CATSPERG: variants seen among roughly 807,000 people sequenced by gnomAD.
CATSPERG encodes catsper channel auxiliary subunit gamma.
Under a neutral mutation model 145.0 loss-of-function variants are expected in CATSPERG, and 115 were observed. The observed-to-expected ratio is 0.79, with a 90% CI of 0.68 to 0.93. The LOEUF (loss-of-function observed/expected upper bound fraction) is 0.93. Among genes scored for constraint, CATSPERG ranks in the 40% least tolerant of loss-of-function variants. The probability of loss-of-function intolerance (pLI) is 0.00; values close to 1 mark genes in which losing one functional copy is unlikely to be tolerated. For synonymous variants in CATSPERG, 588 were observed against 589.0 expected (o/e 1.00, Z 0.02); for missense variants, 1,296 against 1,490.1 (o/e 0.87, Z 2.14).
chr19:38,338,231 C>T (rs1458624417), intron 3 of CATSPERG, among the ~76,000 whole-genome samples: 2 of 152,072 alleles, frequency 1.3e-5, no homozygotes, highest in Non-Finnish European at 2.9e-5. Context: ...TCACTGCAAG[C>T]TCCGCCTCCT....
At chr19:38,355,746 A>G (rs1970231974) in intron 9 of CATSPERG, among the ~76,000 whole-genome samples, 1 of 152,210 alleles carries the variant, frequency 6.6e-6, no homozygotes, top group South Asian at 2.1e-4. Context: ...GAATTTGTGG[A>G]CTTACATAAA....
intron 7 of CATSPERG, among the ~76,000 whole-genome samples, chr19:38,350,014 T>C (rs1251385870): frequency 1.3e-5 from 2 of 152,094 alleles, no homozygotes; most frequent in Non-Finnish European, 2.9e-5. Context: ...GTTCCTTCCA[T>C]TTTCTCTCTT....
chr19:38,357,515 C>CAAAA (rs3033507), intron 11 of CATSPERG, among the ~76,000 whole-genome samples: 10 of 134,134 alleles, frequency 7.5e-5, no homozygotes, highest in African/African-American at 2.2e-4. Flanking sequence ...GACCCGGTCT[C>CAAAA]AAAAAAAAAA....
At position 38,360,516 on chromosome 19, in the gene CATSPERG, C is replaced by A. The variant is rs373564244; in HGVS notation, c.1636C>A (p.Arg546=). Residue 546 remains arginine (R), a synonymous_variant, in exon 15 of 29, where the codon CGG becomes AGG. Coordinates refer to ENST00000409235, the MANE Select transcript of CATSPERG (RefSeq NM_021185.5). ...EIWYLLEGSY[R]VYQLFPSKGW... ...CTGGTACCTCCTGGAGGGCAGCTAC[C>A]GGGTCTACCAGCTGTTCCCTTCCAA... 1.8e-5 allele frequency: 29 copies of A among 1,614,130 alleles called. No homozygotes were observed. In the African/African-American group the frequency reaches 3.6e-4, roughly 20 times the overall value.
At chr19:38,344,737 CAT>C (rs1970000275) in intron 6 of CATSPERG, among the ~76,000 whole-genome samples, 1 of 105,448 alleles carries the variant, frequency 9.5e-6, no homozygotes. Context: ...ATATATAGTA[CAT>C]ACCTGTACAT....
intron 3 of CATSPERG, among the ~76,000 whole-genome samples, chr19:38,339,038 C>T (rs1233694055): frequency 6.6e-6 from 1 of 152,014 alleles, no homozygotes; most frequent in African/African-American, 2.4e-5. Context: ...ACCAGAGGGC[C>T]ATTGCTAGTG....
chr19:38,357,515 C>A (rs868172499), intron 11 of CATSPERG, among the ~76,000 whole-genome samples: 35 of 134,110 alleles, frequency 2.6e-4, no homozygotes, highest in South Asian at 5.0e-4. Context: ...GACCCGGTCT[C>A]AAAAAAAAAA....
intron 22 of CATSPERG, 99 bp downstream of exon 22, chr19:38,365,216 T>C: frequency 9.7e-7 from 1 of 1,031,852 alleles, no homozygotes; most frequent in South Asian, 1.3e-5. Context: ...CATTCATAAT[T>C]TCCTTTCTTC....
intron 7 of CATSPERG, among the ~76,000 whole-genome samples, chr19:38,350,410 T>C (rs981977730): frequency 6.6e-6 from 1 of 152,076 alleles, no homozygotes; most frequent in Non-Finnish European, 1.5e-5. Context: ...GGAGTTTCGC[T>C]CTTGTCACCC....
rs1488068677 is a variant in CATSPERG at position 38,370,198 on chromosome 19, C to T, written c.3153C>T (p.Thr1051=). 6.2e-7 allele frequency: 1 copy of T among 1,613,928 alleles called. No individual in the cohort carries two copies. Among genetic ancestry groups the T allele is most frequent in the African/African-American group, 1.3e-5 (1 of 75,052 alleles). ...DTSTYCNYQL[T]FLLHIHGLPL... Reference sequence around the variant, plus strand: ...GCACCTACTGCAACTACCAGCTCACCTTCCTGCTGCACATCCACGGGCTGC... The same window carrying T: ...GCACCTACTGCAACTACCAGCTCACTTTCCTGCTGCACATCCACGGGCTGC... The change falls in exon 28 of 29, where the codon ACC becomes ACT. Residue 1051 remains threonine (T), a synonymous_variant. Coordinates refer to ENST00000409235, the MANE Select transcript of CATSPERG (RefSeq NM_021185.5).
chr19:38,343,400 C>A (rs1040139062), intron 3 of CATSPERG, among the ~76,000 whole-genome samples, 180 bp from the exon 4 acceptor site: 3 of 152,294 alleles, frequency 2.0e-5, no homozygotes, highest in African/African-American at 7.2e-5. Context: ...TCTGCCCCCT[C>A]CTAGGCTGTT....
chr19:38,365,100 CT>C lies in CATSPERG; in HGVS notation c.2597del (p.Leu866ArgfsTer9), dbSNP rs1568382941. ...CGGGCTCTGCTTCCAGGAAACACAC[CT>C]GGGGCCCCATATGCAAGTATTGGAG... ...SSGLCFQETH[L>X]GPHMQGNLMV... is the part of the protein sequence containing the mutation. On this transcript the variant is annotated frameshift_variant, in exon 22 of 29. Coordinates refer to ENST00000409235, the MANE Select transcript of CATSPERG (RefSeq NM_021185.5). LOFTEE classifies it high-confidence loss of function. The C allele has an allele frequency of 6.2e-7, 1 of 1,613,750 alleles. No homozygotes were observed. Among genetic ancestry groups the C allele is most frequent in the Non-Finnish European group, 8.5e-7 (1 of 1,180,028 alleles).
At chr19:38,351,583 G>A (rs1970141270) in intron 7 of CATSPERG, among the ~76,000 whole-genome samples, 2 of 151,418 alleles carry the variant, frequency 1.3e-5, no homozygotes, top group Non-Finnish European at 2.9e-5. Flanking sequence ...ACTCCAGCCT[G>A]GGTGACAGAG....
At chr19:38,351,724 T>C (rs1970144869) in intron 7 of CATSPERG, among the ~76,000 whole-genome samples, 1 of 151,090 alleles carries the variant, frequency 6.6e-6, no homozygotes, top group Admixed American at 6.6e-5. Flanking sequence ...CTGGGTAACA[T>C]AGCGAGACCT....
chr19:38,339,640 T>G (rs1969903795), intron 3 of CATSPERG, among the ~76,000 whole-genome samples: 1 of 151,940 alleles, frequency 6.6e-6, no homozygotes, highest in Non-Finnish European at 1.5e-5. Flanking sequence ...AGTTTATAAA[T>G]TTTTTTCTTT....
chr19:38,363,791 A>C (rs1324525528), intron 20 of CATSPERG, among the ~76,000 whole-genome samples: 1 of 152,202 alleles, frequency 6.6e-6, no homozygotes, highest in Non-Finnish European at 1.5e-5. Flanking sequence ...GTAAGGTCAC[A>C]GATCAACAGG....
In CATSPERG at chr19:38,359,621, A is replaced by G. The variant is rs200572332; in HGVS notation, c.1608+40A>G. 2.2e-5 allele frequency: 34 copies of G among 1,541,482 alleles called. No individual in the cohort carries two copies. The African/African-American group carries it at 4.6e-4, about 21-fold the overall frequency. On this transcript the variant is annotated intron_variant, in intron 14 of 28. Coordinates refer to ENST00000409235, the MANE Select transcript of CATSPERG (RefSeq NM_021185.5). ...CCCTCTCCCCGTTCCCTCTCTGCCC[A>G]CCCCCAAACCCCAGGGGCCCCTCTT...
intron 23 of CATSPERG, 77 bp downstream of exon 23, chr19:38,367,389 C>T: frequency 1.9e-6 from 3 of 1,569,026 alleles, no homozygotes; most frequent in Non-Finnish European, 2.6e-6. Flanking sequence ...CTCCCCATTC[C>T]TCTCCCCGCA....
At chr19:38,361,417 G>T (rs1970342108) in intron 16 of CATSPERG, among the ~76,000 whole-genome samples, 1 of 152,088 alleles carries the variant, frequency 6.6e-6, no homozygotes, top group Admixed American at 6.6e-5. Context: ...AAGTGGACAG[G>T]CAGATGGCGA....
Sources: gnomAD v4.1 joint callset for allele counts (sites outside exome capture counted in the v4.1 genomes callset) on GRCh38, gnomAD v4.1.1 for gene constraint, MANE v1.5 for transcripts, NCBI Gene and HGNC (gene_info 2026-07-23, HGNC 2026-07-21) for gene names.